The following RPRD1A variants were observed in gnomAD, a reference collection of about 807,000 sequenced individuals.
The protein encoded by RPRD1A is regulation of nuclear pre-mRNA domain-containing protein 1A.
RPRD1A carries 9 observed loss-of-function variants against 37.8 expected under a neutral mutation model. The ratio of observed to expected loss-of-function variants is 0.24; its 90% CI spans 0.14 to 0.42. The LOEUF (loss-of-function observed/expected upper bound fraction) is 0.42, where lower values mean the gene tolerates loss of function less well. Among genes scored for constraint, RPRD1A ranks in the 10% least tolerant of loss-of-function variants. The pLI, the probability that RPRD1A is intolerant of heterozygous loss-of-function variation, is 1.00. For missense variants in RPRD1A, 255 were observed against 371.0 expected, an observed-to-expected ratio of 0.69 and a Z score of 2.57; for synonymous variants, 138 against 139.7, an observed-to-expected ratio of 0.99 and a Z score of 0.08.
In RPRD1A at chr18:35,991,712, G is replaced by C. The variant is rs991660638; in HGVS notation, c.*1439C>G. 3.3e-5 allele frequency: 5 copies of C among 152,140 alleles called. No individual in the cohort carries two copies. Among genetic ancestry groups the C allele is most frequent in the Admixed American group, 3.3e-4 (5 of 15,270 alleles). The allele number at this position is 152,140 out of a possible 1,614,324, so 9.4% of individuals were successfully genotyped here. On this transcript the variant is annotated 3_prime_UTR_variant, in exon 7 of 7. Transcript: ENST00000399022. ...CTCTGTTTTGGAGAGAGGTCAAATTGTTAAAAGAACTATTTGCAGAACTAC... is the reference window on the plus strand; with the variant it reads ...CTCTGTTTTGGAGAGAGGTCAAATTCTTAAAAGAACTATTTGCAGAACTAC...
intron 6 of RPRD1A, among the ~76,000 whole-genome samples, chr18:36,005,846 G>A (rs1228784809): frequency 6.6e-6 from 1 of 151,952 alleles, no homozygotes; most frequent in Admixed American, 6.6e-5. Context: ...GGCTACACCT[G>A]TGTTTTTTTC....
Position 36,001,460 on chromosome 18 carries a change from C to A in RPRD1A, c.790-8160G>T, listed in dbSNP as rs577796730. Among the ~76,000 whole-genome samples, 72 of 152,298 alleles carry A rather than the reference C, an allele frequency of 4.7e-4. 1 individual carries two copies. The highest frequency in any genetic ancestry group is 1.5e-3 in the South Asian group (7 of 4,824). On this transcript the variant is annotated intron_variant, in intron 6 of 6. Coordinates refer to ENST00000399022, the MANE Select transcript of RPRD1A (RefSeq NM_018170.5). ...ACATTTTAGCCTCACTCACTTAGTACATATATTATCCAGTTAATAAAGAAT... is the reference window on the plus strand; with the variant it reads ...ACATTTTAGCCTCACTCACTTAGTAAATATATTATCCAGTTAATAAAGAAT...
In RPRD1A at chr18:36,033,113, C is replaced by T. The variant is rs532654872; in HGVS notation, c.281+595G>A. On this transcript the variant is annotated intron_variant, in intron 2 of 6. Transcript: ENST00000399022. ...GGTCAGGAGTTCAAGACCAGCCTGG[C>T]CAAGATGGTGAAACCTTGTCTCTAC... Among the ~76,000 whole-genome samples the T allele has an allele frequency of 2.6e-5, 4 of 151,818 alleles. No homozygotes were observed. In the East Asian group the frequency reaches 7.8e-4, roughly 30 times the overall value.
rs2089055456 is a variant in RPRD1A at position 36,067,458 on chromosome 18, G to GTC, written c.-55_-54insGA. ...ACGCGGTGGGGCCGAGGGGAGGAGAGTTTCGCCGCCCTAGCTGCGGCCTCG... is the reference window on the plus strand; with the variant it reads ...ACGCGGTGGGGCCGAGGGGAGGAGAGTCTTTCGCCGCCCTAGCTGCGGCCTCG... On this transcript the variant is annotated 5_prime_UTR_variant, in exon 1 of 7. Transcript: ENST00000399022. The GTC allele has an allele frequency of 2.6e-6, 4 of 1,552,666 alleles. No individual in the cohort carries two copies. The highest frequency in any genetic ancestry group is 3.5e-6 in the Non-Finnish European group (4 of 1,144,552).
intron 1 of RPRD1A, chr18:36,064,303 G>C (rs978436367): frequency 1.3e-5 from 2 of 152,552 alleles, no homozygotes; most frequent in Non-Finnish European, 2.9e-5. Flanking sequence ...GGTGCCTGCT[G>C]GGCTTGATGG....
intron 6 of RPRD1A, among the ~76,000 whole-genome samples, chr18:36,006,741 A>G (rs1009971469): frequency 2.0e-5 from 3 of 152,186 alleles, no homozygotes; most frequent in Non-Finnish European, 4.4e-5. Context: ...GATTAGCCAG[A>G]AAGGGGTAAC....
chr18:36,033,968 T>C (rs1912003428), intron 1 of RPRD1A, 131 bp from the exon 2 acceptor site: 2 of 669,896 alleles, frequency 3.0e-6, no homozygotes, highest in Admixed American at 3.2e-5. Context: ...TCAACCCTAG[T>C]CTCTCATTTT....
At chr18:36,014,361 C>T (rs186666120) in intron 6 of RPRD1A, among the ~76,000 whole-genome samples, 1 of 152,290 alleles carries the variant, frequency 6.6e-6, no homozygotes, top group African/African-American at 2.4e-5. Flanking sequence ...TAGATGGTCT[C>T]CAAATTCTTT....
chr18:36,052,449 C>T (rs1913467803), intron 1 of RPRD1A, among the ~76,000 whole-genome samples: 1 of 151,960 alleles, frequency 6.6e-6, no homozygotes, highest in South Asian at 2.1e-4. Flanking sequence ...TTTTTGTTTC[C>T]TATGTGATTT....
chr18:35,990,942 G>T lies in RPRD1A; in HGVS notation c.*2209C>A, dbSNP rs916170208. Reference sequence around the variant, plus strand: ...GAAGTTTGTGGAGGATTGGTCGAGGGGTGGGATTCAGGTTTTTGAGTACTA... The same window carrying T: ...GAAGTTTGTGGAGGATTGGTCGAGGTGTGGGATTCAGGTTTTTGAGTACTA... On this transcript the variant is annotated 3_prime_UTR_variant, in exon 7 of 7. Coordinates refer to ENST00000399022, the MANE Select transcript of RPRD1A (RefSeq NM_018170.5). 6.6e-6 allele frequency: 1 copy of T among 152,002 alleles called. No individual in the cohort carries two copies. Among genetic ancestry groups the T allele is most frequent in the African/African-American group, 2.4e-5 (1 of 41,378 alleles). 9.4% of individuals were successfully genotyped at this position (152,002 alleles called of 1,614,324 possible).
chr18:36,003,334 G>C (rs1415424154), intron 6 of RPRD1A, among the ~76,000 whole-genome samples: 1 of 152,226 alleles, frequency 6.6e-6, no homozygotes, highest in Non-Finnish European at 1.5e-5. Flanking sequence ...CATGCTAATA[G>C]CTATACTTGT....
At chr18:36,049,631 A>G (rs948194940) in intron 1 of RPRD1A, among the ~76,000 whole-genome samples, 1 of 152,222 alleles carries the variant, frequency 6.6e-6, no homozygotes, top group Non-Finnish European at 1.5e-5. Flanking sequence ...GTGTTGTAGC[A>G]TGTGTCAGAA....
intron 6 of RPRD1A, among the ~76,000 whole-genome samples, chr18:36,001,813 G>C (rs1051554344): frequency 6.6e-6 from 1 of 152,114 alleles, no homozygotes; most frequent in South Asian, 2.1e-4. Context: ...AACATTTCTC[G>C]TCCTTGTTAT....
At chr18:36,058,040 G>A (rs2144408206) in intron 1 of RPRD1A, among the ~76,000 whole-genome samples, 1 of 152,222 alleles carries the variant, frequency 6.6e-6, no homozygotes, top group South Asian at 2.1e-4. Flanking sequence ...AAACCTAATA[G>A]AAGAAACTTC....
chr18:36,024,686 C>A (rs1213556212), intron 6 of RPRD1A, among the ~76,000 whole-genome samples: 2 of 152,160 alleles, frequency 1.3e-5, no homozygotes. Flanking sequence ...TGGTCAACCA[C>A]TGTTAATGTT....
At chr18:36,040,126 C>T (rs1268042410) in intron 1 of RPRD1A, among the ~76,000 whole-genome samples, 1 of 151,986 alleles carries the variant, frequency 6.6e-6, no homozygotes, top group Non-Finnish European at 1.5e-5. Flanking sequence ...CATATTAAAT[C>T]CTCAAATTTT....
chr18:36,047,187 A>C (rs1356670902), intron 1 of RPRD1A, among the ~76,000 whole-genome samples: 2 of 151,708 alleles, frequency 1.3e-5, no homozygotes, highest in Non-Finnish European at 2.9e-5. Context: ...CAGCCTGGGC[A>C]ACAGAGCAAG....
intron 1 of RPRD1A, among the ~76,000 whole-genome samples, chr18:36,055,896 GA>G (rs1049393379): frequency 1.3e-5 from 2 of 152,090 alleles, no homozygotes; most frequent in African/African-American, 4.8e-5. Flanking sequence ...CAGATACACA[GA>G]AAAACTTAAG....
In RPRD1A at chr18:35,990,699, A is replaced by G. The variant is rs1269022809; in HGVS notation, c.*2452T>C. ...CAGACCAAACTGCACTCAAAGATGC[A>G]TGATCTGCCTCAGGTGCACAGTGGA... On this transcript the variant is annotated 3_prime_UTR_variant, in exon 7 of 7. Transcript: ENST00000399022. 1 of 152,224 alleles carries G rather than the reference A, an allele frequency of 6.6e-6. No individual in the cohort carries two copies. The highest frequency in any genetic ancestry group is 1.9e-4 in the East Asian group (1 of 5,202). The allele number at this position is 152,224 out of a possible 1,614,324, so 9.4% of individuals were successfully genotyped here. A position where few individuals can be genotyped will look rare whatever the true frequency, so the allele number is the denominator to read the frequency against.
Sources: allele counts gnomAD v4.1 joint callset (sites outside exome capture counted in the v4.1 genomes callset), GRCh38; gene constraint gnomAD v4.1.1; transcripts MANE v1.5; gene names NCBI Gene and HGNC (gene_info 2026-07-23, HGNC 2026-07-21).